The following SPATA6 variants were observed in gnomAD, a reference collection of about 807,000 sequenced individuals.
SPATA6 encodes spermatogenesis-associated protein 6.
SPATA6 carries 56 observed loss-of-function variants against 65.3 expected under a neutral mutation model. That is an observed-to-expected ratio of 0.86 (90% CI 0.69 to 1.07). SPATA6 has a LOEUF of 1.07. Among genes scored for constraint, SPATA6 ranks in the 50% least tolerant of loss-of-function variants. The probability of loss-of-function intolerance (pLI) is 0.00; values close to 1 mark genes in which losing one functional copy is unlikely to be tolerated. For synonymous variants in SPATA6, 199 were observed against 213.2 expected, an observed-to-expected ratio of 0.93 and a Z score of 0.58; for missense variants, 590 against 594.8, an observed-to-expected ratio of 0.99 and a Z score of 0.08.
At chr1:48,466,545 C>T (rs1285919399) in intron 1 of SPATA6, among the ~76,000 whole-genome samples, 1 of 151,828 alleles carries the variant, frequency 6.6e-6, no homozygotes, top group East Asian at 1.9e-4. Flanking sequence ...GTAAAAGGTA[C>T]AGAGGAGGCC....
At chr1:48,418,730 A>C (rs1428377328) in intron 3 of SPATA6, among the ~76,000 whole-genome samples, 1 of 149,730 alleles carries the variant, frequency 6.7e-6, no homozygotes, top group African/African-American at 2.5e-5. Context: ...AAAAGCAAGA[A>C]AGCAAGAGAG....
intron 9 of SPATA6, among the ~76,000 whole-genome samples, chr1:48,365,210 T>A (rs1305637937): frequency 6.6e-6 from 1 of 152,196 alleles, no homozygotes; most frequent in African/African-American, 2.4e-5. Flanking sequence ...AGCCTTGTAG[T>A]ATAGTTTGAA....
chr1:48,317,007 A>G (rs1313237184), intron 11 of SPATA6, among the ~76,000 whole-genome samples: 1 of 152,232 alleles, frequency 6.6e-6, no homozygotes, highest in Non-Finnish European at 1.5e-5. Context: ...TAGAATGGCA[A>G]TCATTAAAAA....
At chr1:48,266,281 C>A in the SPATA6 span, among the ~76,000 whole-genome samples, 1 of 152,108 alleles carries the variant, frequency 6.6e-6, no homozygotes, top group South Asian at 2.1e-4. Flanking sequence ...AAACTCAATA[C>A]CTAAGGAAAA....
chr1:48,363,823 T>C (rs1295084836), intron 9 of SPATA6, among the ~76,000 whole-genome samples: 6 of 151,908 alleles, frequency 3.9e-5, no homozygotes, highest in Non-Finnish European at 8.8e-5. Context: ...TATTATACTT[T>C]AAGTTTTAGG....
intron 11 of SPATA6, among the ~76,000 whole-genome samples, chr1:48,330,815 C>T (rs904863650): frequency 6.6e-6 from 1 of 152,204 alleles, no homozygotes. Flanking sequence ...TGTGAGTAGA[C>T]ACAACCCCAT....
In SPATA6 at chr1:48,295,905, C is replaced by G. The variant is rs1378726059; in HGVS notation, c.*2808G>C. 1 of 151,804 alleles carries G rather than the reference C, an allele frequency of 6.6e-6. No homozygotes were observed. The highest frequency in any genetic ancestry group is 2.4e-5 in the African/African-American group (1 of 41,364). The allele number at this position is 151,804 out of a possible 1,614,324, so 9.4% of individuals were successfully genotyped here. On this transcript the variant is annotated 3_prime_UTR_variant, in exon 13 of 13. Transcript: ENST00000371847. The stretch of plus-strand genomic sequence containing the variant: ...TGTCAAAGGATCATTCTAAATTAAC[C>G]CTTTTATCACCTTGTTGGTGAGAAA...
At chr1:48,453,538 G>A (rs771363048) in intron 1 of SPATA6, among the ~76,000 whole-genome samples, 1 of 151,114 alleles carries the variant, frequency 6.6e-6, no homozygotes, top group Non-Finnish European at 1.5e-5. Context: ...AAAAAACGCT[G>A]ATAAAAACCA....
chr1:48,279,391 A>T, the SPATA6 span, among the ~76,000 whole-genome samples: 146 of 152,310 alleles, frequency 9.6e-4, no homozygotes, highest in African/African-American at 3.2e-3. Flanking sequence ...ACTGGCAAAC[A>T]GGACAAAGAG....
At chr1:48,399,300 T>G (rs1407121060) in intron 7 of SPATA6, 51 bp downstream of exon 7, 2 of 1,550,592 alleles carry the variant, frequency 1.3e-6, no homozygotes, top group Non-Finnish European at 1.7e-6. Flanking sequence ...ACAGTTTTTT[T>G]GGGAAAAAAG....
chr1:48,331,142 G>A lies in SPATA6; in HGVS notation c.1194+24528C>T, dbSNP rs560899571. Among the ~76,000 whole-genome samples the A allele has an allele frequency of 2.0e-5, 3 of 152,232 alleles. No homozygotes were observed. In the South Asian group the frequency reaches 6.2e-4, roughly 32 times the overall value. On this transcript the variant is annotated intron_variant, in intron 11 of 12. Coordinates refer to ENST00000371847, the MANE Select transcript of SPATA6 (RefSeq NM_019073.4). Reference sequence around the variant, plus strand: ...AAGACCACAAAGATGATAAACAGAAGAACTCTGACAACCCAAAAAGCCAGA... The same window carrying A: ...AAGACCACAAAGATGATAAACAGAAAAACTCTGACAACCCAAAAAGCCAGA...
At chr1:48,448,951 A>G (rs1386775649) in intron 3 of SPATA6, among the ~76,000 whole-genome samples, 2 of 152,172 alleles carry the variant, frequency 1.3e-5, no homozygotes, top group African/African-American at 4.8e-5. Context: ...AAATTAGAAA[A>G]TGATGATGAT....
chr1:48,466,197 T>C (rs570744255), intron 1 of SPATA6, among the ~76,000 whole-genome samples: 120 of 152,228 alleles, frequency 7.9e-4, no homozygotes, highest in Middle Eastern at 6.8e-3. Context: ...TAACTACTAG[T>C]ATTTAATAAA....
In SPATA6 at chr1:48,298,456, C is replaced by A; in HGVS notation, c.*257G>T. On this transcript the variant is annotated 3_prime_UTR_variant, in exon 13 of 13. Transcript: ENST00000371847. ...ATGAGGTGTACATGTAACAGAATAT[C>A]CTTGTCACATATTGGAAGTTGTGAT... is the stretch of plus-strand genomic sequence containing the variant. 1 of 314,910 alleles carries A rather than the reference C, an allele frequency of 3.2e-6. No homozygotes were observed. Among genetic ancestry groups the A allele is most frequent in the East Asian group, 5.4e-5 (1 of 18,460 alleles). 19.5% of individuals were successfully genotyped at this position (314,910 alleles called of 1,614,324 possible). A position where few individuals can be genotyped will look rare whatever the true frequency, so the allele number is the denominator to read the frequency against.
intron 4 of SPATA6, among the ~76,000 whole-genome samples, chr1:48,412,320 C>T (rs1263945056): frequency 6.6e-6 from 1 of 152,104 alleles, no homozygotes; most frequent in East Asian, 1.9e-4. Context: ...ATTCTCTTCC[C>T]TTCCCTAATA....
intron 11 of SPATA6, among the ~76,000 whole-genome samples, chr1:48,327,743 T>C (rs1645805039): frequency 6.6e-6 from 1 of 152,144 alleles, no homozygotes; most frequent in Non-Finnish European, 1.5e-5. Flanking sequence ...ATGTTCTCGT[T>C]TATAAGTGGA....
the SPATA6 span, among the ~76,000 whole-genome samples, chr1:48,281,340 T>G: frequency 7.9e-5 from 12 of 151,222 alleles, no homozygotes; most frequent in Admixed American, 3.3e-4. Flanking sequence ...CCAGGGCAAT[T>G]AGGCAGGAGA....
chr1:48,341,145 T>G (rs1478530618), intron 11 of SPATA6, among the ~76,000 whole-genome samples: 2 of 152,160 alleles, frequency 1.3e-5, no homozygotes, highest in Non-Finnish European at 2.9e-5. Context: ...ACTGGCACAC[T>G]TTGAAATCTT....
chr1:48,286,187 T>A, the SPATA6 span, among the ~76,000 whole-genome samples: 2 of 151,936 alleles, frequency 1.3e-5, no homozygotes, highest in Admixed American at 6.5e-5. Flanking sequence ...TTTTAGGAAT[T>A]TTTTTTCTTT....
Sources: allele counts gnomAD v4.1 joint callset (sites outside exome capture counted in the v4.1 genomes callset), GRCh38; gene constraint gnomAD v4.1.1; transcripts MANE v1.5; gene names NCBI Gene and HGNC (gene_info 2026-07-23, HGNC 2026-07-21).